The following PLCB1 variants were observed in gnomAD, a reference collection of about 807,000 sequenced individuals.
PLCB1 encodes 1-phosphatidylinositol 4,5-bisphosphate phosphodiesterase beta-1.
In PLCB1, 46 loss-of-function variants were observed where a neutral mutation model predicts 161.8. The observed-to-expected ratio is 0.28, with a 90% CI of 0.22 to 0.36. The LOEUF is 0.36. Ranked by LOEUF, PLCB1 falls within the 10% of genes least tolerant of loss-of-function variation. The pLI, the probability that PLCB1 is intolerant of heterozygous loss-of-function variation, is 1.00. For synonymous variants in PLCB1, 517 were observed against 503.7 expected (o/e 1.03, Z -0.35); for missense variants, 1,016 against 1,472.5 (o/e 0.69, Z 5.07).
At chr20:8,512,189 G>T (rs1983918179) in intron 3 of PLCB1, among the ~76,000 whole-genome samples, 1 of 152,110 alleles carries the variant, frequency 6.6e-6, no homozygotes, top group Admixed American at 6.5e-5. Flanking sequence ...AATCTATAAA[G>T]TTAAGTGCAC....
intron 9 of PLCB1, among the ~76,000 whole-genome samples, chr20:8,662,221 T>C (rs1437499442): frequency 1.5e-3 from 117 of 76,558 alleles, no homozygotes; most frequent in African/African-American, 6.1e-3. Flanking sequence ...ATATAATTAT[T>C]ATATAATTCT....
chr20:8,662,246 A>G (rs1415880416), intron 9 of PLCB1, among the ~76,000 whole-genome samples: 1 of 119,718 alleles, frequency 8.4e-6, no homozygotes, highest in East Asian at 2.6e-4. Flanking sequence ...ATAATTATTT[A>G]TTATATAATT....
intron 9 of PLCB1, among the ~76,000 whole-genome samples, chr20:8,675,842 G>A (rs186149937): frequency 1.1e-4 from 16 of 152,292 alleles, no homozygotes; most frequent in South Asian, 2.1e-4. Context: ...TTGATCATCC[G>A]TGTGAAAACC....
At chr20:8,428,504 A>T (rs983738253) in intron 3 of PLCB1, among the ~76,000 whole-genome samples, 3 of 152,222 alleles carry the variant, frequency 2.0e-5, no homozygotes, top group African/African-American at 7.2e-5. Context: ...TATAGGCATG[A>T]GCCACCATGC....
chr20:8,600,415 G>A (rs1400693580), intron 3 of PLCB1, among the ~76,000 whole-genome samples: 14 of 142,088 alleles, frequency 9.9e-5, no homozygotes, highest in Non-Finnish European at 2.2e-4. Flanking sequence ...GCTGCTCGGG[G>A]GTCAGGGGTC....
intron 1 of PLCB1, among the ~76,000 whole-genome samples, chr20:8,147,828 A>G (rs2051469394): frequency 6.6e-6 from 1 of 152,036 alleles, no homozygotes; most frequent in Admixed American, 6.6e-5. Context: ...TCTGAAACAA[A>G]CTAGGCAGCA....
chr20:8,358,733 T>G (rs992909525), intron 2 of PLCB1, among the ~76,000 whole-genome samples: 1 of 152,266 alleles, frequency 6.6e-6, no homozygotes, highest in Non-Finnish European at 1.5e-5. Context: ...TTATGTACTT[T>G]GTCTTCAGGG....
rs1262358951 is a variant in PLCB1 at position 8,737,251 on chromosome 20, G to A, written c.2208+59G>A. ...GCATTTTTCAGGTGTTTTACACTGA[G>A]AAAATAATGAAATGGTGAATTATTT... is the stretch of plus-strand genomic sequence containing the variant. On this transcript the variant is annotated intron_variant, in intron 20 of 31. Transcript: ENST00000338037. The A allele has an allele frequency of 5.6e-6, 7 of 1,245,640 alleles. No homozygotes were observed. The Admixed American group carries it at 1.1e-4, about 19-fold the overall frequency. The allele number at this position is 1,245,640 out of a possible 1,614,324, so 77.2% of individuals were successfully genotyped here.
intron 2 of PLCB1, among the ~76,000 whole-genome samples, chr20:8,310,159 T>C (rs1334631595): frequency 2.0e-5 from 3 of 152,128 alleles, no homozygotes; most frequent in African/African-American, 7.2e-5. Flanking sequence ...TTTGTTACGG[T>C]GGGTCTCTCT....
At chr20:8,797,672 T>G (rs1214112299) in intron 31 of PLCB1, among the ~76,000 whole-genome samples, 2 of 152,226 alleles carry the variant, frequency 1.3e-5, no homozygotes, top group African/African-American at 4.8e-5. Context: ...TGTCTTAGCT[T>G]GTTGCAGGGA....
intron 2 of PLCB1, among the ~76,000 whole-genome samples, chr20:8,213,009 T>G (rs1978916262): frequency 6.6e-6 from 1 of 152,156 alleles, no homozygotes; most frequent in Non-Finnish European, 1.5e-5. Flanking sequence ...TCTTTGTGAA[T>G]GGCCACTTCA....
At chr20:8,330,695 G>A (rs1985334740) in intron 2 of PLCB1, among the ~76,000 whole-genome samples, 1 of 152,232 alleles carries the variant, frequency 6.6e-6, no homozygotes, top group Non-Finnish European at 1.5e-5. Context: ...TGTTCTACAA[G>A]TCTGCTTTGA....
chr20:8,687,098 TC>T (rs1322337160), intron 10 of PLCB1, among the ~76,000 whole-genome samples: 2 of 151,806 alleles, frequency 1.3e-5, no homozygotes, highest in Non-Finnish European at 2.9e-5. Context: ...TGATGATAGC[TC>T]ACTGTAGTCC....
intron 31 of PLCB1, among the ~76,000 whole-genome samples, chr20:8,856,842 A>G (rs1203691558): frequency 1.3e-5 from 2 of 152,264 alleles, no homozygotes; most frequent in African/African-American, 2.4e-5. Context: ...AATTTGTTGT[A>G]TCAGTTAGCT....
chr20:8,813,020 G>A (rs532888775), intron 31 of PLCB1, among the ~76,000 whole-genome samples: 44 of 152,162 alleles, frequency 2.9e-4, no homozygotes, highest in Non-Finnish European at 5.4e-4. Flanking sequence ...CCAGCTACTC[G>A]GAGTCAATTG....
chr20:8,220,375 G>C (rs1005533688), intron 2 of PLCB1, among the ~76,000 whole-genome samples: 32 of 152,200 alleles, frequency 2.1e-4, no homozygotes, highest in Non-Finnish European at 8.8e-5. Context: ...TGGTTGAATA[G>C]TGTTCCCTGC....
At position 8,217,989 on chromosome 20, in the gene PLCB1, C is replaced by T. The variant is rs150155904; in HGVS notation, c.177+67618C>T. On this transcript the variant is annotated intron_variant, in intron 2 of 31. Transcript: ENST00000338037. ...GCCTCCAGAACTATAAGAAACAAAA[C>T]TCTGTTTATTATAAATTACCTAGTC... 5.5e-3 allele frequency among the ~76,000 whole-genome samples: 831 copies of T among 152,190 alleles called. 5 individuals are homozygous for T. Among genetic ancestry groups the T allele is most frequent in the Non-Finnish European group, 8.0e-3 (542 of 67,994 alleles).
At chr20:8,482,055 G>A (rs1600098896) in intron 3 of PLCB1, among the ~76,000 whole-genome samples, 2 of 130,462 alleles carry the variant, frequency 1.5e-5, no homozygotes, top group Admixed American at 7.5e-5. Flanking sequence ...TAAAACATAT[G>A]TTTCTCTATA....
At chr20:8,313,580 G>A (rs1324895539) in intron 2 of PLCB1, among the ~76,000 whole-genome samples, 1 of 152,042 alleles carries the variant, frequency 6.6e-6, no homozygotes, top group Non-Finnish European at 1.5e-5. Context: ...GCAAAGAATT[G>A]GACACATTGA....
Sources: allele counts gnomAD v4.1 joint callset (sites outside exome capture counted in the v4.1 genomes callset), GRCh38; gene constraint gnomAD v4.1.1; transcripts MANE v1.5; gene names NCBI Gene and HGNC (gene_info 2026-07-23, HGNC 2026-07-21).